PARP8: variants seen among roughly 807,000 people sequenced by gnomAD.
PARP8 encodes poly(ADP-ribose) polymerase family member 8, also known as protein mono-ADP-ribosyltransferase PARP8.
Under a neutral mutation model 124.1 loss-of-function variants are expected in PARP8, and 51 were observed. The observed-to-expected ratio is 0.41, with a 90% CI of 0.33 to 0.52. PARP8 has a LOEUF of 0.52. PARP8 is among the 20% of genes least tolerant of loss of function. PARP8 has a pLI of 0.21. For missense variants in PARP8, 860 were observed against 1,018.9 expected, an observed-to-expected ratio of 0.84 and a Z score of 2.12; for synonymous variants, 391 against 361.5, an observed-to-expected ratio of 1.08 and a Z score of -0.93.
Position 50,795,229 on chromosome 5 carries a change from A to T in PARP8, c.1240A>T (p.Asn414Tyr). The T allele has an allele frequency of 3.1e-6, 5 of 1,614,210 alleles. No individual in the cohort carries two copies. The highest frequency in any genetic ancestry group is 4.2e-6 in the Non-Finnish European group (5 of 1,180,026). Residue 414 changes from asparagine to tyrosine, a missense_variant, in exon 12 of 26, where the codon AAT becomes TAT. By Grantham distance (143) the Asn-to-Tyr change is moderately radical. Around this residue, in one of 2 missense-constraint regions of PARP8, gnomAD observed 517 missense variants for 544.2 expected, o/e 0.95. Transcript: ENST00000281631. ...ACTGTTAAGCAGGTCTTACTCTAGT[A>T]ATCTCAGAATGGAAGAATTATATGG... ...HKLLSRSYSS[N>Y]LRMEELYGLK...
chr5:50,728,965 T>A (rs926271507), intron 2 of PARP8, among the ~76,000 whole-genome samples: 1 of 152,168 alleles, frequency 6.6e-6, no homozygotes, highest in Non-Finnish European at 1.5e-5. Context: ...TATTATCTAA[T>A]TTTTATTGGA....
At chr5:50,830,791 T>C (rs1196854314) in intron 22 of PARP8, among the ~76,000 whole-genome samples, 1 of 151,468 alleles carries the variant, frequency 6.6e-6, no homozygotes. Flanking sequence ...TAACTGCATA[T>C]GTAATTAGTT....
chr5:50,791,477 T>G (rs932534207), intron 10 of PARP8, among the ~76,000 whole-genome samples: 1 of 152,184 alleles, frequency 6.6e-6, no homozygotes, highest in African/African-American at 2.4e-5. Context: ...TCCTAGATAT[T>G]CCTTTGCTTG....
chr5:50,747,149 TGTTTGTTTGTTTTG>T (rs1561320431), intron 2 of PARP8, among the ~76,000 whole-genome samples: 3 of 112,276 alleles, frequency 2.7e-5, no homozygotes, highest in African/African-American at 7.2e-5. Context: ...TGGTTTTTTT[TGTTTGTTTGTTTTG>T]TTTTTTTTTT....
intron 2 of PARP8, among the ~76,000 whole-genome samples, chr5:50,722,196 T>G (rs1173396822): frequency 1.3e-5 from 2 of 152,148 alleles, no homozygotes; most frequent in Admixed American, 1.3e-4. Context: ...ATATAGTTGT[T>G]TTTCTTTGCC....
At chr5:50,704,310 A>C (rs891927029) in intron 2 of PARP8, among the ~76,000 whole-genome samples, 12 of 152,156 alleles carry the variant, frequency 7.9e-5, no homozygotes, top group African/African-American at 2.9e-4. Flanking sequence ...TGACAGTCAA[A>C]AAAGGCCACT....
chr5:50,704,864 G>T (rs1227614707), intron 2 of PARP8, among the ~76,000 whole-genome samples: 1 of 152,184 alleles, frequency 6.6e-6, no homozygotes, highest in East Asian at 1.9e-4. Context: ...TGTTCAAAAT[G>T]GTTTTGGAAG....
At chr5:50,796,436 A>C (rs1742567143) in intron 12 of PARP8, among the ~76,000 whole-genome samples, 1 of 152,232 alleles carries the variant, frequency 6.6e-6, no homozygotes, top group Non-Finnish European at 1.5e-5. Context: ...AAGGACATAG[A>C]GCAAATAATG....
At chr5:50,732,640 A>G (rs282545) in intron 2 of PARP8, among the ~76,000 whole-genome samples, 111,420 of 151,334 alleles carry the variant, frequency 0.74, 42,700 homozygotes, top group East Asian at 0.96. Flanking sequence ...TTTTTTTGAG[A>G]TGGAGTCTCG....
intron 10 of PARP8, 89 bp downstream of exon 10, chr5:50,788,678 T>C: frequency 1.3e-6 from 1 of 750,482 alleles, no homozygotes. Flanking sequence ...CAAAAACCTA[T>C]TCAGTAAGAA....
At chr5:50,744,953 C>T (rs774339110) in intron 2 of PARP8, 10 of 546,438 alleles carry the variant, frequency 1.8e-5, no homozygotes, top group African/African-American at 1.7e-4. Context: ...GTTCTTTCCA[C>T]GTTTTTTTGG....
intron 2 of PARP8, among the ~76,000 whole-genome samples, chr5:50,746,392 A>G (rs771954035): frequency 4.4e-4 from 67 of 152,316 alleles, no homozygotes; most frequent in Middle Eastern, 3.4e-3. Context: ...TGATAAAGTA[A>G]CATAGAACTA....
At chr5:50,767,119 TC>T (rs1761130537) in intron 7 of PARP8, among the ~76,000 whole-genome samples, 1 of 152,144 alleles carries the variant, frequency 6.6e-6, no homozygotes, top group Admixed American at 6.5e-5. Flanking sequence ...CAGCTCTGCT[TC>T]CTTGGGCCCC....
At chr5:50,839,427 G>A (rs567724761) in intron 25 of PARP8, among the ~76,000 whole-genome samples, 1 of 151,992 alleles carries the variant, frequency 6.6e-6, no homozygotes, top group Non-Finnish European at 1.5e-5. Context: ...ATACCCTATT[G>A]TAATAAATAC....
intron 2 of PARP8, among the ~76,000 whole-genome samples, chr5:50,742,241 AT>A (rs1325324973): frequency 6.6e-6 from 1 of 152,232 alleles, no homozygotes; most frequent in African/African-American, 2.4e-5. Context: ...TTAAAAACAA[AT>A]ACATTTGTTT....
chr5:50,678,344 GTGTGTC>G (rs1750872910), intron 2 of PARP8, among the ~76,000 whole-genome samples: 1 of 152,052 alleles, frequency 6.6e-6, no homozygotes, highest in Non-Finnish European at 1.5e-5. Context: ...ATGTGTTTGT[GTGTGTC>G]TGTCACACAC....
rs533640398 is a variant in PARP8 at position 50,843,012 on chromosome 5, T to C, written c.*944T>C. ...TTTTTTATTTACTACAAAAAAATTA[T>C]ACAATTTTATTTATGCCACACCAGC... On this transcript the variant is annotated 3_prime_UTR_variant, in exon 26 of 26. Coordinates refer to ENST00000281631, the MANE Select transcript of PARP8 (RefSeq NM_024615.4). 3.3e-5 allele frequency: 5 copies of C among 151,866 alleles called. No individual in the cohort carries two copies. Among genetic ancestry groups the C allele is most frequent in the African/African-American group, 7.2e-5 (3 of 41,514 alleles). The allele number at this position is 151,866 out of a possible 1,614,324, so 9.4% of individuals were successfully genotyped here.
At chr5:50,667,282 C>G (rs1044768721) in intron 1 of PARP8, 96 bp downstream of exon 1, 6 of 1,281,120 alleles carry the variant, frequency 4.7e-6, no homozygotes, top group Non-Finnish European at 6.7e-6. Flanking sequence ...GAGGGTTGCA[C>G]GTCCCCATTC....
intron 2 of PARP8, among the ~76,000 whole-genome samples, chr5:50,710,258 C>T (rs1464869145): frequency 6.6e-6 from 1 of 151,808 alleles, no homozygotes; most frequent in Admixed American, 6.6e-5. Context: ...CTGCTGTTAT[C>T]ATAGGGAGAT....
Sources: allele counts gnomAD v4.1 joint callset (sites outside exome capture counted in the v4.1 genomes callset), GRCh38; gene constraint gnomAD v4.1.1; regional missense constraint gnomAD v4.1.1; transcripts MANE v1.5; gene names NCBI Gene and HGNC (gene_info 2026-07-23, HGNC 2026-07-21).